KCNH8: variants seen among roughly 807,000 people sequenced by gnomAD.
KCNH8 encodes the protein potassium voltage-gated channel subfamily H member 8, also known as voltage-gated delayed rectifier potassium channel KCNH8.
KCNH8 carries 70 observed loss-of-function variants against 103.6 expected under a neutral mutation model. The ratio of observed to expected loss-of-function variants is 0.68; its 90% CI spans 0.56 to 0.82. The LOEUF is 0.82. Among genes scored for constraint, KCNH8 ranks in the 40% least tolerant of loss-of-function variants. KCNH8 has a pLI of 0.00. For missense variants in KCNH8, 1,217 were observed against 1,329.9 expected, an observed-to-expected ratio of 0.92 and a Z score of 1.32; for synonymous variants, 498 against 489.4, an observed-to-expected ratio of 1.02 and a Z score of -0.23.
intron 15 of KCNH8, among the ~76,000 whole-genome samples, chr3:19,528,102 GA>G (rs1371632695): frequency 1.3e-5 from 2 of 151,128 alleles, no homozygotes; most frequent in East Asian, 1.9e-4. Context: ...GGGGGAAGAA[GA>G]AAAAAAGAGG....
intron 5 of KCNH8, among the ~76,000 whole-genome samples, chr3:19,365,417 C>A (rs1030380110): frequency 1.3e-5 from 2 of 151,860 alleles, no homozygotes; most frequent in African/African-American, 4.8e-5. Context: ...ATAATTATTT[C>A]TCTGTGTTTT....
intron 3 of KCNH8, among the ~76,000 whole-genome samples, chr3:19,297,446 G>T (rs993253940): frequency 6.6e-6 from 1 of 152,138 alleles, no homozygotes; most frequent in Non-Finnish European, 1.5e-5. Context: ...TATAGGATAA[G>T]TACAGAAAAT....
intron 1 of KCNH8, among the ~76,000 whole-genome samples, chr3:19,224,361 A>C (rs1241704672): frequency 6.6e-6 from 1 of 152,138 alleles, no homozygotes; most frequent in Non-Finnish European, 1.5e-5. Context: ...GTGGGAAATT[A>C]GTCTAGTGAT....
chr3:19,356,575 C>T (rs917313708), intron 5 of KCNH8, among the ~76,000 whole-genome samples: 1 of 151,930 alleles, frequency 6.6e-6, no homozygotes, highest in African/African-American at 2.4e-5. Flanking sequence ...ATATAGTTAC[C>T]TTTAGTTTGA....
chr3:19,498,112 A>G (rs919522469), intron 11 of KCNH8, among the ~76,000 whole-genome samples: 4 of 151,878 alleles, frequency 2.6e-5, no homozygotes, highest in Non-Finnish European at 4.4e-5. Context: ...TTATCCCTCT[A>G]TTTTGAGCCT....
At chr3:19,279,352 A>G (rs1277863497) in intron 2 of KCNH8, among the ~76,000 whole-genome samples, 1 of 152,108 alleles carries the variant, frequency 6.6e-6, no homozygotes, top group African/African-American at 2.4e-5. Context: ...TTTTGGGGTC[A>G]CTGTATTCAC....
At chr3:19,457,709 A>C (rs867460803) in intron 11 of KCNH8, among the ~76,000 whole-genome samples, 2 of 151,972 alleles carry the variant, frequency 1.3e-5, no homozygotes, top group Non-Finnish European at 2.9e-5. Flanking sequence ...TGCTGTCTTG[A>C]GCTTTGTCCC....
At chr3:19,456,523 TGTTA>T (rs1224795371) in intron 10 of KCNH8, among the ~76,000 whole-genome samples, 1 of 152,036 alleles carries the variant, frequency 6.6e-6, no homozygotes, top group Non-Finnish European at 1.5e-5. Flanking sequence ...TGCTTGTTGT[TGTTA>T]GTTAAAATTT....
intron 8 of KCNH8, among the ~76,000 whole-genome samples, chr3:19,439,777 A>C (rs990821395): frequency 4.6e-5 from 7 of 152,226 alleles, no homozygotes; most frequent in Admixed American, 2.0e-4. Context: ...AAAATAGCTA[A>C]GCAAAGACGT....
chr3:19,412,506 C>A (rs1307464114), intron 7 of KCNH8, among the ~76,000 whole-genome samples: 1 of 151,902 alleles, frequency 6.6e-6, no homozygotes, highest in African/African-American at 2.4e-5. Flanking sequence ...ACTAAATAGT[C>A]AAAAGCAATC....
At chr3:19,470,441 T>C (rs1490836640) in intron 11 of KCNH8, among the ~76,000 whole-genome samples, 1 of 152,212 alleles carries the variant, frequency 6.6e-6, no homozygotes, top group East Asian at 1.9e-4. Flanking sequence ...GGCAGAAATA[T>C]GGTCTCAGAC....
Position 19,451,496 on chromosome 3 carries a change from G to A in KCNH8, c.1825+92G>A, listed in dbSNP as rs532223631. ...GGGAAAAAACTGCTATTGAGAGTAG[G>A]AAAAGAACAGATGAAGACATGAACT... On this transcript the variant is annotated intron_variant, in intron 10 of 15. Transcript: ENST00000328405. 4.0e-4 allele frequency: 447 copies of A among 1,129,448 alleles called. 5 individuals are homozygous for A. Among genetic ancestry groups the A allele is most frequent in the South Asian group, 3.4e-3 (239 of 71,014 alleles). 70.0% of individuals were successfully genotyped at this position (1,129,448 alleles called of 1,614,324 possible). A position where few individuals can be genotyped will look rare whatever the true frequency, so the allele number is the denominator to read the frequency against.
rs564852569 is a variant in KCNH8 at position 19,341,289 on chromosome 3, C to T, written c.443-1298C>T. On this transcript the variant is annotated intron_variant, in intron 3 of 15. Transcript: ENST00000328405. ...TGCATGCTTGAGCCCACTCCTTCAA[C>T]GCCTAAGATCACCAGCTCAGGTGTT... is the stretch of plus-strand genomic sequence containing the variant. Among the ~76,000 whole-genome samples, 36 of 152,224 alleles carry T rather than the reference C, an allele frequency of 2.4e-4. No homozygotes were observed. In the South Asian group the frequency reaches 3.3e-3, roughly 14 times the overall value.
In KCNH8 at chr3:19,342,592, G is replaced by A. The variant is rs752493820; in HGVS notation, c.448G>A (p.Val150Ile). The A allele has an allele frequency of 3.1e-6, 5 of 1,609,698 alleles. No homozygotes were observed. Among genetic ancestry groups the A allele is most frequent in the Non-Finnish European group, 4.2e-6 (5 of 1,177,088 alleles). ...TGAGTTTTATTTTCCCCCAGACAAA[G>A]TCAAAGGAAGATCAAGAGCAGGGAC... Reference protein sequence around the residue: ...ITPEDKKEDKVKGRSRAGTHF... With the variant: ...ITPEDKKEDKIKGRSRAGTHF... Residue 150 changes from valine to isoleucine, a missense_variant, in exon 4 of 16, where the codon GTC becomes ATC. Val to Ile is a conservative substitution (Grantham distance 29). This residue lies in a region of KCNH8 where 244 missense variants were observed against 256.8 expected (regional missense o/e 0.95). Transcript: ENST00000328405.
At chr3:19,423,319 A>G (rs572649784) in intron 7 of KCNH8, among the ~76,000 whole-genome samples, 23 of 151,684 alleles carry the variant, frequency 1.5e-4, no homozygotes, top group African/African-American at 5.1e-4. Context: ...TCTGGGGGAA[A>G]GTTGAATTTT....
chr3:19,404,090 T>C (rs916611340), intron 7 of KCNH8, among the ~76,000 whole-genome samples: 2 of 151,976 alleles, frequency 1.3e-5, no homozygotes, highest in Non-Finnish European at 1.5e-5. Flanking sequence ...TTCAGTTTTA[T>C]AGAACTTTAA....
chr3:19,435,542 T>C (rs2067186857), intron 7 of KCNH8, among the ~76,000 whole-genome samples: 1 of 152,306 alleles, frequency 6.6e-6, no homozygotes, highest in Middle Eastern at 3.4e-3. Flanking sequence ...AGCCCTCACA[T>C]GGGCTCCATT....
chr3:19,299,648 AT>A (rs1394430830), intron 3 of KCNH8, among the ~76,000 whole-genome samples: 135 of 152,052 alleles, frequency 8.9e-4, no homozygotes, highest in African/African-American at 2.8e-3. Context: ...TTAAAAAAAA[AT>A]AAAACAAAAA....
At chr3:19,452,172 C>A (rs530669013) in intron 10 of KCNH8, among the ~76,000 whole-genome samples, 2 of 151,992 alleles carry the variant, frequency 1.3e-5, no homozygotes, top group South Asian at 4.2e-4. Flanking sequence ...TTGCTTGAGC[C>A]CATGAGTTCA....
Sources: allele counts gnomAD v4.1 joint callset (sites outside exome capture counted in the v4.1 genomes callset), GRCh38; gene constraint gnomAD v4.1.1; regional missense constraint gnomAD v4.1.1; transcripts MANE v1.5; gene names NCBI Gene and HGNC (gene_info 2026-07-23, HGNC 2026-07-21).